The following PRKG1 variants were observed in gnomAD, a reference collection of about 807,000 sequenced individuals.
PRKG1 encodes cGMP-dependent protein kinase 1.
In PRKG1, 35 loss-of-function variants were observed where a neutral mutation model predicts 88.1. The ratio of observed to expected loss-of-function variants is 0.40; its 90% CI spans 0.30 to 0.53. The LOEUF (loss-of-function observed/expected upper bound fraction) is 0.53, where lower values mean the gene tolerates loss of function less well. PRKG1 is among the 20% of genes least tolerant of loss of function. The pLI, the probability that PRKG1 is intolerant of heterozygous loss-of-function variation, is 0.59. For missense variants in PRKG1, 540 were observed against 839.8 expected, an observed-to-expected ratio of 0.64 and a Z score of 4.41; for synonymous variants, 303 against 292.5, an observed-to-expected ratio of 1.04 and a Z score of -0.37.
intron 7 of PRKG1, among the ~76,000 whole-genome samples, chr10:52,118,908 T>A: frequency 6.6e-6 from 1 of 152,124 alleles, no homozygotes; most frequent in East Asian, 1.9e-4. Context: ...ATTTTGCATA[T>A]TTCTTTTCCT....
chr10:51,998,509 A>G (rs1844511161), intron 5 of PRKG1, among the ~76,000 whole-genome samples: 1 of 152,024 alleles, frequency 6.6e-6, no homozygotes, highest in Non-Finnish European at 1.5e-5. Context: ...ATGTTTTTAA[A>G]TATTTTATCT....
chr10:51,860,359 A>G (rs984046770), intron 4 of PRKG1, among the ~76,000 whole-genome samples: 6 of 152,228 alleles, frequency 3.9e-5, no homozygotes, highest in African/African-American at 1.4e-4. Context: ...TTTATCTGGA[A>G]TATCATCAGA....
rs1027599796 is a variant in PRKG1, at chr10:51,798,424, T to C, written c.593-6161T>C. Among the ~76,000 whole-genome samples, 2 of 152,226 alleles carry C rather than the reference T, an allele frequency of 1.3e-5. 1 individual carries two copies. The highest frequency in any genetic ancestry group is 6.8e-3 in the Middle Eastern group (2 of 294). ...TTAGTGGTGTTGAACATCATTTTTA[T>C]ATCCTTATTGGTCATATACATTTAT... On this transcript the variant is annotated intron_variant, in intron 3 of 17. Coordinates refer to ENST00000373980, the MANE Select transcript of PRKG1 (RefSeq NM_006258.4).
intron 5 of PRKG1, among the ~76,000 whole-genome samples, chr10:51,981,548 T>G (rs951602545): frequency 6.6e-6 from 1 of 152,106 alleles, no homozygotes; most frequent in Non-Finnish European, 1.5e-5. Context: ...ATCACGCCAC[T>G]GTGCTTCAGC....
At position 51,270,621 on chromosome 10, in the gene PRKG1, A is replaced by G. The variant is rs542458340; in HGVS notation, c.478+117291A>G. Among the ~76,000 whole-genome samples, 331 of 152,254 alleles carry G rather than the reference A, an allele frequency of 2.2e-3. 1 individual carries two copies. Among genetic ancestry groups the G allele is most frequent in the Non-Finnish European group, 3.6e-3 (248 of 68,018 alleles). ...AAAGATTCATGCAAGCAGGATTTAA[A>G]TCTTTCTGGTTTTCACTGTTGTATG... On this transcript the variant is annotated intron_variant, in intron 2 of 17. Transcript: ENST00000373980.
chr10:51,327,432 A>G (rs1439108133), intron 2 of PRKG1, among the ~76,000 whole-genome samples: 10 of 151,724 alleles, frequency 6.6e-5, no homozygotes, highest in African/African-American at 2.2e-4. Context: ...AAAAAAAAAA[A>G]GTAAACTAAA....
At chr10:51,307,906 TG>T in intron 2 of PRKG1, among the ~76,000 whole-genome samples, 1 of 152,330 alleles carries the variant, frequency 6.6e-6, no homozygotes, top group Middle Eastern at 3.4e-3. Flanking sequence ...TATCTCATTT[TG>T]TTTCACCAAG....
At chr10:51,800,751 T>C (rs1006367942) in intron 3 of PRKG1, among the ~76,000 whole-genome samples, 10 of 152,048 alleles carry the variant, frequency 6.6e-5, no homozygotes, top group Non-Finnish European at 1.3e-4. Context: ...CCCTATTCCT[T>C]GTTAGGTCCT....
At chr10:51,338,283 G>A (rs1275349021) in intron 2 of PRKG1, among the ~76,000 whole-genome samples, 1 of 152,150 alleles carries the variant, frequency 6.6e-6, no homozygotes, top group Non-Finnish European at 1.5e-5. Context: ...TAGGTGATGG[G>A]TTGATGAAAA....
chr10:51,299,566 G>T (rs1294364841), intron 2 of PRKG1: 1 of 472,738 alleles, frequency 2.1e-6, no homozygotes. Context: ...TGTAACATAT[G>T]TCTCTAGCCC....
At position 51,137,017 on chromosome 10, in the gene PRKG1, T is replaced by C. The variant is rs370646028; in HGVS notation, c.312-16147T>C. Among the ~76,000 whole-genome samples the C allele has an allele frequency of 3.9e-5, 6 of 152,208 alleles. No individual in the cohort carries two copies. The East Asian group carries it at 5.8e-4, about 15-fold the overall frequency. On this transcript the variant is annotated intron_variant, in intron 1 of 17. Coordinates refer to ENST00000373980, the MANE Select transcript of PRKG1 (RefSeq NM_006258.4). ...CTCCTGCCTCAGCCTACCCAGTAGC[T>C]GGGACTACAGGCGCCCGCCACCATG...
intron 9 of PRKG1, among the ~76,000 whole-genome samples, chr10:52,226,205 C>T (rs1840385823): frequency 6.6e-6 from 1 of 152,036 alleles, no homozygotes; most frequent in African/African-American, 2.4e-5. Context: ...GATTACAAAA[C>T]TCAGATTACT....
At chr10:51,718,660 T>G (rs1564619789) in intron 3 of PRKG1, among the ~76,000 whole-genome samples, 1 of 152,210 alleles carries the variant, frequency 6.6e-6, no homozygotes, top group Admixed American at 6.5e-5. Context: ...CAAATCTTTC[T>G]TACAGATAAA....
rs1156466579 is a variant in PRKG1 at position 51,087,907 on chromosome 10, G to A, written c.311+13006G>A. 3.9e-5 allele frequency among the ~76,000 whole-genome samples: 6 copies of A among 152,138 alleles called. No homozygotes were observed. In the East Asian group the frequency reaches 1.2e-3, roughly 29 times the overall value. Reference sequence around the variant, plus strand: ...AGCCTCCCAAGTAGCTGGAATTACAGGTGCATGGCACTACATCTGGCTAAT... The same window carrying A: ...AGCCTCCCAAGTAGCTGGAATTACAAGTGCATGGCACTACATCTGGCTAAT... On this transcript the variant is annotated intron_variant, in intron 1 of 17. Transcript: ENST00000373980.
intron 2 of PRKG1, among the ~76,000 whole-genome samples, chr10:51,308,479 T>A (rs1037166015): frequency 6.6e-6 from 1 of 152,192 alleles, no homozygotes; most frequent in African/African-American, 2.4e-5. Context: ...CAGTAAGCAG[T>A]TAGCTGATGT....
chr10:51,527,552 G>A (rs1841913119), intron 3 of PRKG1, among the ~76,000 whole-genome samples: 2 of 152,124 alleles, frequency 1.3e-5, no homozygotes, highest in Admixed American at 6.6e-5. Flanking sequence ...AGTAAGACTT[G>A]CTAACTATGA....
chr10:51,953,582 C>T (rs893622074), intron 5 of PRKG1, among the ~76,000 whole-genome samples: 4 of 152,152 alleles, frequency 2.6e-5, no homozygotes, highest in African/African-American at 9.7e-5. Context: ...GAGGTACTTG[C>T]TGTTGTCTTT....
intron 5 of PRKG1, among the ~76,000 whole-genome samples, chr10:52,022,053 C>T (rs747149626): frequency 6.6e-6 from 1 of 152,144 alleles, no homozygotes; most frequent in Non-Finnish European, 1.5e-5. Context: ...AAGCAATATG[C>T]ATTCAGTAGA....
intron 9 of PRKG1, among the ~76,000 whole-genome samples, chr10:52,173,188 A>G (rs759763439): frequency 3.3e-5 from 5 of 152,254 alleles, no homozygotes; most frequent in Non-Finnish European, 7.3e-5. Context: ...ATATGTCCTC[A>G]TAAAATATTG....
Sources: gnomAD v4.1 joint callset for allele counts (sites outside exome capture counted in the v4.1 genomes callset) on GRCh38, gnomAD v4.1.1 for gene constraint, MANE v1.5 for transcripts, NCBI Gene and HGNC (gene_info 2026-07-23, HGNC 2026-07-21) for gene names.